PARD3B: variants seen among roughly 807,000 people sequenced by gnomAD.
PARD3B encodes par-3 family cell polarity regulator beta, also known as partitioning defective 3 homolog B.
PARD3B carries 103 observed loss-of-function variants against 130.2 expected under a neutral mutation model. That is an observed-to-expected ratio of 0.79 (90% CI 0.67 to 0.93). The LOEUF (loss-of-function observed/expected upper bound fraction) is 0.93. PARD3B is among the 40% of genes least tolerant of loss of function. The pLI is 0.00. For synonymous variants in PARD3B, 583 were observed against 553.2 expected (o/e 1.05, Z -0.76); for missense variants, 1,609 against 1,499.2 (o/e 1.07, Z -1.21).
intron 2 of PARD3B, among the ~76,000 whole-genome samples, chr2:204,935,409 G>A (rs1373324517): frequency 6.6e-6 from 1 of 150,746 alleles, no homozygotes; most frequent in Non-Finnish European, 1.5e-5. Context: ...CATGGTGACG[G>A]GCGCCTGTAG....
intron 2 of PARD3B, among the ~76,000 whole-genome samples, chr2:204,771,895 G>C (rs973903791): frequency 6.6e-6 from 1 of 152,002 alleles, no homozygotes; most frequent in African/African-American, 2.4e-5. Flanking sequence ...TATTGTGCAA[G>C]ACCTGTAATT....
intron 2 of PARD3B, among the ~76,000 whole-genome samples, chr2:204,786,796 C>A (rs73066617): frequency 4.6e-5 from 7 of 151,230 alleles, no homozygotes; most frequent in African/African-American, 1.7e-4. Flanking sequence ...AATGAGAAAC[C>A]GTATTCATCA....
At chr2:205,423,292 G>A (rs2047035782) in intron 19 of PARD3B, among the ~76,000 whole-genome samples, 1 of 152,174 alleles carries the variant, frequency 6.6e-6, no homozygotes, top group African/African-American at 2.4e-5. Context: ...CCTCAGGCTT[G>A]GACCCCTGTT....
chr2:204,674,014 T>G (rs2036422837), intron 1 of PARD3B, among the ~76,000 whole-genome samples: 1 of 152,150 alleles, frequency 6.6e-6, no homozygotes, highest in Non-Finnish European at 1.5e-5. Context: ...CTTTCTCTGT[T>G]ATACCCTGAG....
intron 21 of PARD3B, among the ~76,000 whole-genome samples, chr2:205,536,640 G>A (rs888485505): frequency 3.9e-5 from 6 of 152,116 alleles, no homozygotes; most frequent in African/African-American, 7.2e-5. Context: ...GAAGATACTC[G>A]GAGAGACCTG....
At chr2:204,873,746 C>A (rs1489515496) in intron 2 of PARD3B, among the ~76,000 whole-genome samples, 1 of 152,056 alleles carries the variant, frequency 6.6e-6, no homozygotes, top group African/African-American at 2.4e-5. Context: ...CCTGAGTCCA[C>A]GTAATGATTC....
At chr2:204,557,037 A>C (rs2030974592) in intron 1 of PARD3B, among the ~76,000 whole-genome samples, 1 of 150,356 alleles carries the variant, frequency 6.7e-6, no homozygotes, top group Non-Finnish European at 1.5e-5. Context: ...AGTCTCACCC[A>C]GGGGCTTTTC....
At chr2:204,838,758 A>C (rs1387258638) in intron 2 of PARD3B, among the ~76,000 whole-genome samples, 2 of 152,212 alleles carry the variant, frequency 1.3e-5, no homozygotes, top group Admixed American at 6.5e-5. Flanking sequence ...GAGATGATGG[A>C]TATCCCAATT....
intron 1 of PARD3B, chr2:204,558,116 G>T (rs1041717356): frequency 6.6e-6 from 1 of 152,300 alleles, no homozygotes; most frequent in Non-Finnish European, 1.5e-5. Flanking sequence ...GGAATTGCAG[G>T]ATATCAAGAC....
chr2:204,790,310 T>A (rs2042156684), intron 2 of PARD3B, among the ~76,000 whole-genome samples: 1 of 152,202 alleles, frequency 6.6e-6, no homozygotes. Flanking sequence ...TGCTTTCTAG[T>A]CTTGAGTACC....
intron 2 of PARD3B, among the ~76,000 whole-genome samples, chr2:204,860,193 A>G (rs546145862): frequency 6.6e-6 from 1 of 152,310 alleles, no homozygotes; most frequent in South Asian, 2.1e-4. Context: ...TTAACATTCT[A>G]TAGCTGTCTA....
At chr2:204,881,667 A>G (rs2046056474) in intron 2 of PARD3B, among the ~76,000 whole-genome samples, 1 of 152,154 alleles carries the variant, frequency 6.6e-6, no homozygotes, top group Admixed American at 6.5e-5. Context: ...TTGAAAGGCA[A>G]ATTTCTGATG....
At position 205,057,353 on chromosome 2, in the gene PARD3B, A is replaced by G. The variant is rs74182370; in HGVS notation, c.504+9663A>G. On this transcript the variant is annotated intron_variant, in intron 4 of 22. Transcript: ENST00000406610. Reference sequence around the variant, plus strand: ...GTATATGTGTTATATACATATACATATATACATGTATATGTGTTATATACA... The same window carrying G: ...GTATATGTGTTATATACATATACATGTATACATGTATATGTGTTATATACA... 7.5e-3 allele frequency among the ~76,000 whole-genome samples: 476 copies of G among 63,634 alleles called. 1 individual carries two copies. The highest frequency in any genetic ancestry group is 0.012 in the Non-Finnish European group (336 of 27,868). 41.7% of individuals were successfully genotyped at this position (63,634 alleles called of 152,430 possible).
intron 20 of PARD3B, among the ~76,000 whole-genome samples, chr2:205,486,058 A>G (rs914484333): frequency 6.6e-6 from 1 of 152,238 alleles, no homozygotes; most frequent in Non-Finnish European, 1.5e-5. Flanking sequence ...GGCCACAGCA[A>G]TATTTATGAA....
At chr2:205,081,217 C>T (rs1344200597) in intron 4 of PARD3B, among the ~76,000 whole-genome samples, 3 of 151,910 alleles carry the variant, frequency 2.0e-5, no homozygotes, top group South Asian at 4.1e-4. Flanking sequence ...CATATTCTTT[C>T]CTATTTTTAT....
intron 4 of PARD3B, 143 bp from the exon 5 acceptor site, chr2:205,104,283 C>T: frequency 3.3e-6 from 2 of 607,674 alleles, no homozygotes; most frequent in South Asian, 4.5e-5. Flanking sequence ...AAGATTAACA[C>T]CTGCTTCCAG....
At position 205,546,057 on chromosome 2, in the gene PARD3B, G is replaced by A. The variant is rs188698397; in HGVS notation, c.3181-7267G>A. On this transcript the variant is annotated intron_variant, in intron 21 of 22. Coordinates refer to ENST00000406610, the MANE Select transcript of PARD3B (RefSeq NM_001302769.2). ...AACAAGGCTCCTAACACCCCAGCCGGCAGCAGGCATTGAGTGAATGAAACT... is the reference window on the plus strand; with the variant it reads ...AACAAGGCTCCTAACACCCCAGCCGACAGCAGGCATTGAGTGAATGAAACT... Among the ~76,000 whole-genome samples the A allele has an allele frequency of 5.5e-3, 830 of 152,292 alleles. 31 individuals carry two copies. Among genetic ancestry groups the A allele is most frequent in the Non-Finnish European group, 1.2e-3 (84 of 68,022 alleles).
chr2:205,100,564 C>T (rs1702703103), intron 4 of PARD3B, among the ~76,000 whole-genome samples: 1 of 151,898 alleles, frequency 6.6e-6, no homozygotes, highest in Non-Finnish European at 1.5e-5. Flanking sequence ...TTGGAAGAAT[C>T]ACACATCCTG....
chr2:204,688,575 A>C (rs1180721956), intron 2 of PARD3B, among the ~76,000 whole-genome samples: 1 of 141,428 alleles, frequency 7.1e-6, no homozygotes, highest in Non-Finnish European at 1.5e-5. Flanking sequence ...GCAAGACTCC[A>C]TCTAAAAAAA....
Sources: allele counts gnomAD v4.1 joint callset (sites outside exome capture counted in the v4.1 genomes callset), GRCh38; gene constraint gnomAD v4.1.1; transcripts MANE v1.5; gene names NCBI Gene and HGNC (gene_info 2026-07-23, HGNC 2026-07-21).